The following NRXN3 variants were observed in gnomAD, a reference collection of about 807,000 sequenced individuals.
NRXN3 encodes neurexin 3, also known as neurexin III.
NRXN3 carries 32 observed loss-of-function variants against 137.6 expected under a neutral mutation model. That is an observed-to-expected ratio of 0.23 (90% CI 0.18 to 0.31). The LOEUF is 0.31. Among genes scored for constraint, NRXN3 ranks in the 10% least tolerant of loss-of-function variants. The pLI, the probability that NRXN3 is intolerant of heterozygous loss-of-function variation, is 1.00. For missense variants in NRXN3, 1,574 were observed against 2,062.5 expected (o/e 0.76, Z 4.59); for synonymous variants, 798 against 784.5 (o/e 1.02, Z -0.29).
chr14:78,803,954 C>T lies in NRXN3; in HGVS notation c.2248+131C>T, dbSNP rs17108265. 7.4e-3 allele frequency: 6,166 copies of T among 838,186 alleles called. 101 individuals are homozygous for T. Among genetic ancestry groups the T allele is most frequent in the East Asian group, 0.06 (2,258 of 37,818 alleles). 51.9% of individuals were successfully genotyped at this position (838,186 alleles called of 1,614,324 possible). On this transcript the variant is annotated intron_variant, in intron 9 of 20. Transcript: ENST00000335750. ...CTGCTCACCTCTTGTTTAACAGACC[C>T]AGGATAAAACCCAACAGCAGCGATC... is the stretch of plus-strand genomic sequence containing the variant.
intron 1 of NRXN3, among the ~76,000 whole-genome samples, chr14:78,241,362 G>A (rs2067058596): frequency 1.3e-5 from 2 of 152,150 alleles, no homozygotes; most frequent in South Asian, 4.1e-4. Context: ...AGCAGCTGTG[G>A]CTCATGCCTG....
At chr14:79,669,698 A>G (rs2153995591) in intron 17 of NRXN3, among the ~76,000 whole-genome samples, 1 of 152,168 alleles carries the variant, frequency 6.6e-6, no homozygotes, top group African/African-American at 2.4e-5. Flanking sequence ...CAGGGCATCT[A>G]ATTTAACTGA....
At chr14:79,180,339 T>C (rs1008835406) in intron 15 of NRXN3, among the ~76,000 whole-genome samples, 3 of 152,218 alleles carry the variant, frequency 2.0e-5, no homozygotes, top group Admixed American at 6.5e-5. Flanking sequence ...TTTGAAATCA[T>C]AGTCTCTAGC....
At chr14:78,515,193 A>G (rs1380269795) in intron 4 of NRXN3, among the ~76,000 whole-genome samples, 1 of 152,128 alleles carries the variant, frequency 6.6e-6, no homozygotes, top group African/African-American at 2.4e-5. Flanking sequence ...TCAATGGAGG[A>G]GGGAAGTGAA....
chr14:79,186,242 GTGTTACCTGA>G (rs2063530291), intron 15 of NRXN3, among the ~76,000 whole-genome samples: 1 of 144,036 alleles, frequency 6.9e-6, no homozygotes, highest in Non-Finnish European at 1.6e-5. Flanking sequence ...GACGTCAAGG[GTGTTACCTGA>G]AAAAAAAAGG....
In NRXN3 at chr14:78,709,432, G is replaced by A. The variant is rs185943496; in HGVS notation, c.1437G>A (p.Glu479=). ...GSISFDFRTT[E]PNGLILFTHG... ...TCTCCTTTGACTTCCGCACCACAGA[G>A]CCCAATGGCCTGATCCTCTTCACTC... Residue 479 remains glutamate (E), a synonymous_variant, in exon 7 of 21, where the codon GAG becomes GAA. Coordinates refer to ENST00000335750, the MANE Select transcript of NRXN3 (RefSeq NM_001330195.2). The A allele has an allele frequency of 2.5e-5, 40 of 1,614,114 alleles. No homozygotes were observed. In the African/African-American group the frequency reaches 4.0e-4, roughly 16 times the overall value.
chr14:78,686,765 G>C (rs1019722420), intron 6 of NRXN3, among the ~76,000 whole-genome samples: 2 of 152,200 alleles, frequency 1.3e-5, no homozygotes, highest in Non-Finnish European at 2.9e-5. Flanking sequence ...TGAAGTCTCA[G>C]CAGAACCCTT....
intron 16 of NRXN3, among the ~76,000 whole-genome samples, chr14:79,496,619 T>C (rs751118880): frequency 2.6e-5 from 4 of 152,218 alleles, no homozygotes; most frequent in Non-Finnish European, 4.4e-5. Context: ...GCTATAATTA[T>C]AGTGTGTTTA....
chr14:79,016,153 A>AAGC (rs1200842695), intron 15 of NRXN3, among the ~76,000 whole-genome samples: 1 of 152,148 alleles, frequency 6.6e-6, no homozygotes, highest in East Asian at 1.9e-4. Flanking sequence ...GACCTGACAT[A>AAGC]AGCAGCTTTG....
chr14:78,319,843 GA>G (rs1276942473), intron 4 of NRXN3, among the ~76,000 whole-genome samples: 1 of 152,198 alleles, frequency 6.6e-6, no homozygotes, highest in African/African-American at 2.4e-5. Flanking sequence ...GGAAGAATGA[GA>G]TCTAAACAAA....
At chr14:78,396,645 G>T (rs929235586) in intron 4 of NRXN3, among the ~76,000 whole-genome samples, 2 of 152,150 alleles carry the variant, frequency 1.3e-5, no homozygotes, top group Non-Finnish European at 2.9e-5. Flanking sequence ...AAAACATGTT[G>T]TGCCACTTCC....
chr14:79,364,685 A>T (rs1357895566), intron 15 of NRXN3, among the ~76,000 whole-genome samples: 8 of 152,188 alleles, frequency 5.3e-5, no homozygotes, highest in Non-Finnish European at 4.4e-5. Context: ...AAATAAATGC[A>T]AAGAGAGCCC....
intron 4 of NRXN3, among the ~76,000 whole-genome samples, chr14:78,502,775 C>G (rs1193142846): frequency 1.3e-5 from 2 of 152,140 alleles, no homozygotes; most frequent in African/African-American, 4.8e-5. Flanking sequence ...CTTTGATATG[C>G]TGTTGGAAAT....
intron 4 of NRXN3, among the ~76,000 whole-genome samples, chr14:78,409,264 T>A (rs12892370): frequency 6.6e-6 from 1 of 151,950 alleles, no homozygotes; most frequent in African/African-American, 2.4e-5. Flanking sequence ...ATGTGCTTTA[T>A]GTGCTGAAGT....
intron 19 of NRXN3, among the ~76,000 whole-genome samples, chr14:79,804,173 G>A (rs552459760): frequency 2.6e-5 from 4 of 151,938 alleles, no homozygotes; most frequent in Admixed American, 6.6e-5. Context: ...AAATAAATGA[G>A]CATTATTGAA....
At chr14:78,423,911 G>C (rs140422228) in intron 4 of NRXN3, among the ~76,000 whole-genome samples, 2 of 152,170 alleles carry the variant, frequency 1.3e-5, no homozygotes, top group East Asian at 1.9e-4. Flanking sequence ...TATTGTTCCC[G>C]TAGGGGCACA....
intron 16 of NRXN3, among the ~76,000 whole-genome samples, 154 bp from the exon 17 acceptor site, chr14:79,663,624 C>T (rs894272955): frequency 1.3e-5 from 2 of 152,096 alleles, no homozygotes; most frequent in African/African-American, 2.4e-5. Context: ...GATGAAAGCT[C>T]ATGGAGAAAT....
chr14:79,442,346 T>A (rs1311902147), intron 15 of NRXN3, among the ~76,000 whole-genome samples: 2 of 152,168 alleles, frequency 1.3e-5, no homozygotes, highest in Non-Finnish European at 2.9e-5. Context: ...ATTCTTTAAG[T>A]AATGTTCATG....
At chr14:78,465,534 TG>T (rs2095073906) in intron 4 of NRXN3, among the ~76,000 whole-genome samples, 1 of 152,130 alleles carries the variant, frequency 6.6e-6, no homozygotes, top group Non-Finnish European at 1.5e-5. Context: ...TTTGTTTGTT[TG>T]TTTGTTTTTT....
Sources: gnomAD v4.1 joint callset for allele counts (sites outside exome capture counted in the v4.1 genomes callset) on GRCh38, gnomAD v4.1.1 for gene constraint, MANE v1.5 for transcripts, NCBI Gene and HGNC (gene_info 2026-07-23, HGNC 2026-07-21) for gene names.